Variants in PATJ observed in about 807,000 individuals in gnomAD.
PATJ encodes the protein inaD-like protein.
In PATJ, 190 loss-of-function variants were observed where a neutral mutation model predicts 224.9. That is an observed-to-expected ratio of 0.84 (90% CI 0.75 to 0.95). The LOEUF (loss-of-function observed/expected upper bound fraction) is 0.95, where lower values mean the gene tolerates loss of function less well. Among genes scored for constraint, PATJ ranks in the 40% least tolerant of loss-of-function variants. The pLI, the probability that PATJ is intolerant of heterozygous loss-of-function variation, is 0.00. For missense variants in PATJ, 2,121 were observed against 2,270.3 expected (o/e 0.93, Z 1.34); for synonymous variants, 769 against 820.3 (o/e 0.94, Z 1.07).
intron 25 of PATJ, among the ~76,000 whole-genome samples, chr1:61,912,688 G>A (rs1244724841): frequency 7.9e-6 from 1 of 125,992 alleles, no homozygotes; most frequent in African/African-American, 2.9e-5. Flanking sequence ...GGAGGGGAGG[G>A]GAGGGAAGAG....
Position 61,899,483 on chromosome 1 carries a change from T to C in PATJ, c.3132-100T>C. 4.6e-6 allele frequency: 3 copies of C among 658,640 alleles called. No individual in the cohort carries two copies. In the South Asian group the frequency reaches 9.3e-5, roughly 20 times the overall value. 40.8% of individuals were successfully genotyped at this position (658,640 alleles called of 1,614,324 possible). A position where few individuals can be genotyped will look rare whatever the true frequency, so the allele number is the denominator to read the frequency against. Reference sequence around the variant, plus strand: ...TAAAAACTTAAAAATTGAGAATCATTTAACTACCTATAGATTTTACAATTT... The same window carrying C: ...TAAAAACTTAAAAATTGAGAATCATCTAACTACCTATAGATTTTACAATTT... On this transcript the variant is annotated intron_variant, in intron 22 of 43. Coordinates refer to ENST00000642238, the MANE Select transcript of PATJ (RefSeq NM_001350145.3).
intron 31 of PATJ, chr1:62,072,936 C>A: frequency 1.7e-6 from 1 of 602,526 alleles, no homozygotes; most frequent in Non-Finnish European, 2.1e-6. Flanking sequence ...AGACTGAAGC[C>A]CAATTAAATG....
intron 20 of PATJ, among the ~76,000 whole-genome samples, chr1:61,871,687 T>G (rs1557794690): frequency 6.7e-6 from 1 of 149,434 alleles, no homozygotes. Flanking sequence ...CTCAGCCTTC[T>G]GAGTAGCTGG....
At chr1:61,875,580 G>A (rs956022937) in intron 21 of PATJ, 3 of 387,936 alleles carry the variant, frequency 7.7e-6, no homozygotes, top group African/African-American at 2.1e-5. Flanking sequence ...TTTTTGAGAA[G>A]GCTACATTTT....
At chr1:61,907,903 T>C (rs1571228556) in intron 24 of PATJ, among the ~76,000 whole-genome samples, 1 of 152,226 alleles carries the variant, frequency 6.6e-6, no homozygotes, top group East Asian at 1.9e-4. Context: ...TTTTGGTACT[T>C]CTTTTTAAAC....
At chr1:62,128,281 T>C in intron 40 of PATJ, 187 bp downstream of exon 40, 1 of 553,992 alleles carries the variant, frequency 1.8e-6, no homozygotes, top group Non-Finnish European at 3.1e-6. Context: ...ATAAAAATAT[T>C]ATTATTTGTA....
At chr1:61,869,096 CAT>C (rs1491158339) in intron 20 of PATJ, among the ~76,000 whole-genome samples, 259 of 133,498 alleles carry the variant, frequency 1.9e-3, no homozygotes, top group African/African-American at 6.8e-3. Flanking sequence ...ATGGAAATAA[CAT>C]TTTTTTTTTT....
At chr1:61,837,730 C>T (rs1037958023) in intron 17 of PATJ, among the ~76,000 whole-genome samples, 3 of 143,276 alleles carry the variant, frequency 2.1e-5, no homozygotes, top group African/African-American at 5.2e-5. Flanking sequence ...GCGGAGGTTA[C>T]GGTGAGCTGA....
At chr1:62,127,801 G>GA (rs960084107) in intron 39 of PATJ, among the ~76,000 whole-genome samples, 171 bp from the exon 40 acceptor site, 77 of 149,558 alleles carry the variant, frequency 5.1e-4, no homozygotes, top group African/African-American at 6.4e-4. Flanking sequence ...GAGCGAAACT[G>GA]AAAAAAAAAG....
chr1:61,944,623 G>A (rs1037536410), intron 27 of PATJ, among the ~76,000 whole-genome samples: 3 of 152,196 alleles, frequency 2.0e-5, no homozygotes, highest in Admixed American at 2.0e-4. Flanking sequence ...AAGTGACAGG[G>A]AGAATGGAAC....
At chr1:61,761,296 T>G (rs1231842841) in intron 1 of PATJ, among the ~76,000 whole-genome samples, 1 of 152,048 alleles carries the variant, frequency 6.6e-6, no homozygotes, top group Non-Finnish European at 1.5e-5. Flanking sequence ...TTTTGATAAG[T>G]ATATACATCT....
At chr1:62,036,911 G>A (rs1197223574) in intron 29 of PATJ, among the ~76,000 whole-genome samples, 2 of 146,314 alleles carry the variant, frequency 1.4e-5, no homozygotes, top group East Asian at 2.0e-4. Context: ...GGGAGGGAGG[G>A]AGGAAGGGAG....
At position 61,990,285 on chromosome 1, in the gene PATJ, G is replaced by C; in HGVS notation, c.3788G>C (p.Ser1263Thr). ...GGTAATAAAGACCGATCACGCATGA[G>C]CATATTTGTGGTGGGAATTAACCCG... Reference protein sequence around the residue: ...LAGNKDRSRMSIFVVGINPEG... With the variant: ...LAGNKDRSRMTIFVVGINPEG... The change falls in exon 28 of 44, where the codon AGC becomes ACC. Residue 1263 changes from serine to threonine, a missense_variant. Physicochemically the swap from Ser to Thr is moderately conservative, Grantham distance 58. Transcript: ENST00000642238. The C allele has an allele frequency of 6.2e-7, 1 of 1,614,032 alleles. No homozygotes were observed. The highest frequency in any genetic ancestry group is 8.5e-7 in the Non-Finnish European group (1 of 1,179,960).
At chr1:62,138,480 G>C (rs936559202) in intron 41 of PATJ, among the ~76,000 whole-genome samples, 1 of 151,882 alleles carries the variant, frequency 6.6e-6, no homozygotes, top group Non-Finnish European at 1.5e-5. Flanking sequence ...GCTAATTTTT[G>C]TATTTTTAGT....
intron 28 of PATJ, among the ~76,000 whole-genome samples, chr1:62,005,002 T>C (rs12731402): frequency 0.18 from 28,084 of 152,218 alleles, 2,758 homozygotes; most frequent in Non-Finnish European, 0.21. Context: ...CCCCTACCTC[T>C]GTTTAATACC....
At chr1:61,972,510 G>A (rs533991357) in intron 27 of PATJ, among the ~76,000 whole-genome samples, 72 of 152,112 alleles carry the variant, frequency 4.7e-4, no homozygotes, top group Admixed American at 1.0e-3. Flanking sequence ...CTTTGTGGCT[G>A]TTTCTTAAAC....
chr1:61,822,723 C>T (rs182945780), intron 14 of PATJ, among the ~76,000 whole-genome samples: 265 of 152,286 alleles, frequency 1.7e-3, no homozygotes, highest in Middle Eastern at 0.01. Context: ...CATCTGTCTC[C>T]TCATTTCCAG....
At chr1:61,961,254 TA>T (rs201948339) in intron 27 of PATJ, among the ~76,000 whole-genome samples, 5,116 of 152,254 alleles carry the variant, frequency 0.034, 115 homozygotes, top group Non-Finnish European at 0.052. Flanking sequence ...TCCCACCCAC[TA>T]TCGCAGCCTG....
At chr1:62,002,731 A>G (rs76639062) in intron 28 of PATJ, among the ~76,000 whole-genome samples, 11,343 of 137,210 alleles carry the variant, frequency 0.083, 823 homozygotes, top group East Asian at 0.35. Flanking sequence ...AAAAAAAAAA[A>G]AAAGAGAGAG....
Sources: allele counts gnomAD v4.1 joint callset (sites outside exome capture counted in the v4.1 genomes callset), GRCh38; gene constraint gnomAD v4.1.1; transcripts MANE v1.5; gene names NCBI Gene and HGNC (gene_info 2026-07-23, HGNC 2026-07-21).